The following CHSY3 variants were observed in gnomAD, a reference collection of about 807,000 sequenced individuals.
CHSY3 encodes N-acetylgalactosaminyl-proteoglycan 3-beta-glucuronosyltransferase 3.
CHSY3 carries 35 observed loss-of-function variants against 67.2 expected under a neutral mutation model. That is an observed-to-expected ratio of 0.52 (90% CI 0.40 to 0.69). The LOEUF (loss-of-function observed/expected upper bound fraction) is 0.69. Among genes scored for constraint, CHSY3 ranks in the 30% least tolerant of loss-of-function variants. CHSY3 has a pLI of 0.00. For missense variants in CHSY3, 1,069 were observed against 1,138.5 expected (o/e 0.94, Z 0.88); for synonymous variants, 474 against 434.7 (o/e 1.09, Z -1.12).
intron 2 of CHSY3, among the ~76,000 whole-genome samples, chr5:129,972,234 T>C (rs544320014): frequency 6.6e-6 from 1 of 152,094 alleles, no homozygotes; most frequent in South Asian, 2.1e-4. Context: ...ACATTACAAA[T>C]TATCTCCAGA....
intron 2 of CHSY3, among the ~76,000 whole-genome samples, chr5:129,991,218 A>G (rs1320073114): frequency 6.6e-6 from 1 of 152,140 alleles, no homozygotes; most frequent in Non-Finnish European, 1.5e-5. Flanking sequence ...TGGGGAATTC[A>G]TTGGAGGAAG....
At chr5:129,977,658 TA>T (rs375624303) in intron 2 of CHSY3, among the ~76,000 whole-genome samples, 343 of 152,214 alleles carry the variant, frequency 2.3e-3, no homozygotes, top group African/African-American at 7.3e-3. Flanking sequence ...TTGAGTAAAT[TA>T]AATAGTCTTT....
At chr5:130,011,742 G>C (rs1182892430) in intron 2 of CHSY3, among the ~76,000 whole-genome samples, 3 of 152,194 alleles carry the variant, frequency 2.0e-5, no homozygotes, top group Non-Finnish European at 4.4e-5. Context: ...AAGGCTCCTA[G>C]ATCTGATAAA....
At chr5:129,977,962 A>G (rs1762864527) in intron 2 of CHSY3, among the ~76,000 whole-genome samples, 1 of 152,040 alleles carries the variant, frequency 6.6e-6, no homozygotes, top group African/African-American at 2.4e-5. Context: ...ACAAAGCAGA[A>G]CTGAAAGAAA....
rs763048701 is a variant in CHSY3 at position 129,908,319 on chromosome 5, G to A, written c.1045G>A (p.Val349Ile). Residue 349 changes from valine to isoleucine, a missense_variant, in exon 2 of 3, where the codon GTT becomes ATT. Transcript: ENST00000305031. ...THEDVEVGRC[V>I]RRFGGTQCVW... Reference sequence around the variant, plus strand: ...TGAGGATGTGGAAGTAGGAAGATGCGTTCGCCGTTTTGGTGGGACTCAGTG... The same window carrying A: ...TGAGGATGTGGAAGTAGGAAGATGCATTCGCCGTTTTGGTGGGACTCAGTG... The A allele has an allele frequency of 1.2e-6, 2 of 1,614,044 alleles. No individual in the cohort carries two copies. The highest frequency in any genetic ancestry group is 2.2e-5 in the South Asian group (2 of 91,076).
At position 130,132,373 on chromosome 5, in the gene CHSY3, G is replaced by A. The variant is rs116527443; in HGVS notation, c.1087-51856G>A. ...AACTACCGTAGGAACTGGAGATGCC[G>A]AACTGAACAAGTTAAACGTGATCAT... On this transcript the variant is annotated intron_variant, in intron 2 of 2. Transcript: ENST00000305031. Among the ~76,000 whole-genome samples, 1,204 of 152,220 alleles carry A rather than the reference G, an allele frequency of 7.9e-3. 20 individuals carry two copies. Among genetic ancestry groups the A allele is most frequent in the African/African-American group, 0.028 (1,155 of 41,530 alleles).
rs1180462327 is a variant in CHSY3 at position 130,035,886 on chromosome 5, G to GTT, written c.1086+127551_1086+127552dup. 2.0e-3 allele frequency among the ~76,000 whole-genome samples: 130 copies of GTT among 65,554 alleles called. 10 individuals carry two copies. The highest frequency in any genetic ancestry group is 6.4e-3 in the African/African-American group (106 of 16,664). 43.0% of individuals were successfully genotyped at this position (65,554 alleles called of 152,430 possible). On this transcript the variant is annotated intron_variant, in intron 2 of 2. Transcript: ENST00000305031. Reference sequence around the variant, plus strand: ...CCCAAGTCTGGTCATTCATTTGGTTGTTTTTTTTTTTTTTTTTTTTTTTTT... The same window carrying GTT: ...CCCAAGTCTGGTCATTCATTTGGTTGTTTTTTTTTTTTTTTTTTTTTTTTTTT...
chr5:129,975,145 G>T (rs891993030), intron 2 of CHSY3: 1 of 152,008 alleles, frequency 6.6e-6, no homozygotes, highest in Non-Finnish European at 1.5e-5. Context: ...GTTAATGGGT[G>T]CAGCACACCA....
At chr5:129,974,985 C>G (rs577745070) in intron 2 of CHSY3, 1 of 152,002 alleles carries the variant, frequency 6.6e-6, no homozygotes, top group African/African-American at 2.4e-5. Flanking sequence ...GACAAAAACC[C>G]AAACACCGCA....
At chr5:130,094,925 A>G (rs1267645897) in intron 2 of CHSY3, among the ~76,000 whole-genome samples, 1 of 152,162 alleles carries the variant, frequency 6.6e-6, no homozygotes, top group African/African-American at 2.4e-5. Flanking sequence ...GATTGAACAA[A>G]TAGCTATTAT....
chr5:130,144,927 G>A (rs901567916), intron 2 of CHSY3, among the ~76,000 whole-genome samples: 4 of 152,160 alleles, frequency 2.6e-5, no homozygotes, highest in African/African-American at 9.7e-5. Flanking sequence ...GGCTTCTGGG[G>A]AGGCCTCAGG....
intron 2 of CHSY3, among the ~76,000 whole-genome samples, chr5:129,946,570 G>T (rs548076440): frequency 6.6e-6 from 1 of 152,058 alleles, no homozygotes; most frequent in African/African-American, 2.4e-5. Context: ...ATTTATAACT[G>T]AAGGTTTATA....
At chr5:129,993,677 G>A (rs1763438526) in intron 2 of CHSY3, among the ~76,000 whole-genome samples, 2 of 152,202 alleles carry the variant, frequency 1.3e-5, no homozygotes, top group Non-Finnish European at 2.9e-5. Flanking sequence ...TTGCCAGTCT[G>A]TGTCTTTTAA....
chr5:130,154,345 G>T (rs1271569492), intron 2 of CHSY3, among the ~76,000 whole-genome samples: 5 of 152,176 alleles, frequency 3.3e-5, no homozygotes, highest in Non-Finnish European at 4.4e-5. Context: ...TTTGCCCCTG[G>T]CCTCTGGAGT....
In CHSY3 at chr5:130,035,392, G is replaced by A. The variant is rs79080956; in HGVS notation, c.1086+127032G>A. ...TATAAACAGCCAAAAACATGGAGTT[G>A]CCACAAAATATGAGTATCTGCAGTC... On this transcript the variant is annotated intron_variant, in intron 2 of 2. Coordinates refer to ENST00000305031, the MANE Select transcript of CHSY3 (RefSeq NM_175856.5). Among the ~76,000 whole-genome samples, 370 of 152,250 alleles carry A rather than the reference G, an allele frequency of 2.4e-3. 1 individual carries two copies. The highest frequency in any genetic ancestry group is 7.6e-3 in the African/African-American group (317 of 41,570).
intron 2 of CHSY3, among the ~76,000 whole-genome samples, chr5:130,048,684 T>C (rs1256127742): frequency 6.6e-6 from 1 of 152,042 alleles, no homozygotes; most frequent in Admixed American, 6.6e-5. Flanking sequence ...CTTCTCTCTA[T>C]ATTTTTTCTT....
At chr5:129,956,615 G>A (rs774480016) in intron 2 of CHSY3, among the ~76,000 whole-genome samples, 10 of 151,574 alleles carry the variant, frequency 6.6e-5, no homozygotes, top group South Asian at 2.1e-4. Flanking sequence ...CATATTCATC[G>A]TGAAATCTTG....
In CHSY3 at chr5:129,999,175, T is replaced by A. The variant is rs143412742; in HGVS notation, c.1086+90815T>A. 8.0e-5 allele frequency among the ~76,000 whole-genome samples: 12 copies of A among 149,154 alleles called. No individual in the cohort carries two copies. The East Asian group carries it at 2.5e-3, about 31-fold the overall frequency. ...GCTAGCTATTTGTCCCAACACTAAT[T>A]GTTGAATAATGTATCTTTTTTTCTA... On this transcript the variant is annotated intron_variant, in intron 2 of 2. Transcript: ENST00000305031.
chr5:130,112,074 C>T (rs1219447502), intron 2 of CHSY3, among the ~76,000 whole-genome samples: 7 of 152,086 alleles, frequency 4.6e-5, no homozygotes, highest in Admixed American at 1.3e-4. Flanking sequence ...TCCGTTGATT[C>T]TCAGACTGTG....
Sources: gnomAD v4.1 joint callset for allele counts (sites outside exome capture counted in the v4.1 genomes callset) on GRCh38, gnomAD v4.1.1 for gene constraint, MANE v1.5 for transcripts, NCBI Gene and HGNC (gene_info 2026-07-23, HGNC 2026-07-21) for gene names.